Variants in CLYBL observed in about 807,000 individuals in gnomAD.
CLYBL encodes the protein citramalyl-CoA lyase, mitochondrial.
A neutral mutation model predicts 38.9 loss-of-function variants in CLYBL; 31 were observed. That is an observed-to-expected ratio of 0.80 (90% CI 0.60 to 1.08). The LOEUF (loss-of-function observed/expected upper bound fraction) is 1.08. Among genes scored for constraint, CLYBL ranks in the 50% least tolerant of loss-of-function variants. CLYBL has a pLI of 0.00. For missense variants in CLYBL, 434 were observed against 411.6 expected, an observed-to-expected ratio of 1.05 and a Z score of -0.47; for synonymous variants, 171 against 158.6, an observed-to-expected ratio of 1.08 and a Z score of -0.59.
At chr13:99,786,220 ATTATAC>A (rs909931636) in intron 2 of CLYBL, among the ~76,000 whole-genome samples, 2 of 92,284 alleles carry the variant, frequency 2.2e-5, no homozygotes, top group East Asian at 3.1e-4. Flanking sequence ...TTTTTTTTTA[ATTATAC>A]TTTAAGTTCT....
At chr13:99,625,138 C>T (rs148054658) in intron 1 of CLYBL, among the ~76,000 whole-genome samples, 124 of 152,314 alleles carry the variant, frequency 8.1e-4, no homozygotes, top group African/African-American at 2.6e-3. Context: ...GCGGAGTCCC[C>T]GACTTGGGAG....
At chr13:99,661,501 A>G (rs760703770) in intron 1 of CLYBL, among the ~76,000 whole-genome samples, 9 of 152,130 alleles carry the variant, frequency 5.9e-5, no homozygotes, top group Non-Finnish European at 1.3e-4. Flanking sequence ...TTAAACCTGT[A>G]TATTTATTTT....
intron 2 of CLYBL, among the ~76,000 whole-genome samples, chr13:99,839,215 T>C (rs540136061): frequency 2.6e-5 from 4 of 152,244 alleles, no homozygotes; most frequent in African/African-American, 4.8e-5. Context: ...CAAACCTGGG[T>C]ATGTCCAGAG....
chr13:99,888,595 CA>C (rs574508943), intron 7 of CLYBL, among the ~76,000 whole-genome samples: 1 of 151,608 alleles, frequency 6.6e-6, no homozygotes, highest in African/African-American at 2.4e-5. Flanking sequence ...ACTAAAAATA[CA>C]AAAAAAATTA....
chr13:99,669,854 A>G (rs1316699549), intron 1 of CLYBL, among the ~76,000 whole-genome samples: 1 of 152,140 alleles, frequency 6.6e-6, no homozygotes, highest in Non-Finnish European at 1.5e-5. Context: ...TTGTTTTAGC[A>G]AGGGGCCTAT....
At chr13:99,617,370 A>G (rs766596897) in intron 1 of CLYBL, among the ~76,000 whole-genome samples, 15 of 152,122 alleles carry the variant, frequency 9.9e-5, no homozygotes, top group Non-Finnish European at 1.8e-4. Context: ...GCACACATAT[A>G]CTTTGTACCA....
intron 2 of CLYBL, among the ~76,000 whole-genome samples, chr13:99,841,153 C>T (rs557016092): frequency 6.6e-6 from 1 of 152,192 alleles, no homozygotes; most frequent in Admixed American, 6.5e-5. Flanking sequence ...AATTTTTTAT[C>T]GAGAGGTGGA....
chr13:99,771,133 C>T (rs527360558), intron 1 of CLYBL, among the ~76,000 whole-genome samples: 1 of 148,592 alleles, frequency 6.7e-6, no homozygotes, highest in African/African-American at 2.5e-5. Flanking sequence ...ACCTTCTGGG[C>T]TTAATCAATC....
intron 1 of CLYBL, among the ~76,000 whole-genome samples, chr13:99,714,948 C>CTAAA (rs768043172): frequency 3.2e-4 from 49 of 151,976 alleles, no homozygotes; most frequent in Non-Finnish European, 5.3e-4. Context: ...GACTCTGTCT[C>CTAAA]TAAATAAATA....
intron 1 of CLYBL, among the ~76,000 whole-genome samples, chr13:99,630,692 C>T (rs2046931022): frequency 6.6e-6 from 1 of 152,108 alleles, no homozygotes; most frequent in South Asian, 2.1e-4. Context: ...CCCATTTGCC[C>T]TGTATTGTTG....
intron 2 of CLYBL, 120 bp downstream of exon 2, chr13:99,773,130 A>G: frequency 2.4e-6 from 2 of 823,466 alleles, no homozygotes; most frequent in Non-Finnish European, 3.9e-6. Flanking sequence ...CTGATTATTA[A>G]CAATTCTTTG....
rs963873614 is a variant in CLYBL, at chr13:99,788,143, A to G, written c.249+15133A>G. Reference sequence around the variant, plus strand: ...CTAAATATACAATCATGTCATCTGCAAACAGGGACAATTTGACTTCCTCAT... The same window carrying G: ...CTAAATATACAATCATGTCATCTGCGAACAGGGACAATTTGACTTCCTCAT... On this transcript the variant is annotated intron_variant, in intron 2 of 8. Transcript: ENST00000339105. Among the ~76,000 whole-genome samples, 49 of 152,336 alleles carry G rather than the reference A, an allele frequency of 3.2e-4. 1 individual carries two copies. Among genetic ancestry groups the G allele is most frequent in the African/African-American group, 1.1e-3 (47 of 41,578 alleles).
chr13:99,699,692 C>CAA (rs543597111), intron 1 of CLYBL, among the ~76,000 whole-genome samples: 11 of 108,558 alleles, frequency 1.0e-4, no homozygotes, highest in South Asian at 2.8e-4. Flanking sequence ...GACTCCGTCT[C>CAA]AAAAAAAAAA....
chr13:99,863,245 C>T (rs779157647), intron 4 of CLYBL, among the ~76,000 whole-genome samples, 153 bp downstream of exon 4: 1 of 152,100 alleles, frequency 6.6e-6, no homozygotes, highest in Non-Finnish European at 1.5e-5. Context: ...CTGTAATAGT[C>T]CAAAAACCAG....
chr13:99,749,322 A>G (rs535750672), intron 1 of CLYBL, among the ~76,000 whole-genome samples: 1 of 152,334 alleles, frequency 6.6e-6, no homozygotes, highest in South Asian at 2.1e-4. Flanking sequence ...ACTAAACCGG[A>G]CAAGAATAAG....
At chr13:99,617,962 ACTACC>A (rs2046737878) in intron 1 of CLYBL, among the ~76,000 whole-genome samples, 1 of 152,162 alleles carries the variant, frequency 6.6e-6, no homozygotes, top group African/African-American at 2.4e-5. Flanking sequence ...CAGCCTCTGC[ACTACC>A]CTGTCCCCTT....
intron 2 of CLYBL, among the ~76,000 whole-genome samples, chr13:99,850,452 T>C (rs965835535): frequency 1.6e-4 from 24 of 152,120 alleles, no homozygotes; most frequent in Non-Finnish European, 3.2e-4. Flanking sequence ...ACAAAACCCA[T>C]TGAGCATGCA....
intron 2 of CLYBL, among the ~76,000 whole-genome samples, chr13:99,809,876 A>G (rs1000794763): frequency 1.3e-5 from 2 of 152,200 alleles, no homozygotes; most frequent in Admixed American, 1.3e-4. Context: ...GGAGAGAAAC[A>G]TGAAGCTGGA....
At chr13:99,612,828 A>G (rs2046648640) in intron 1 of CLYBL, among the ~76,000 whole-genome samples, 1 of 151,808 alleles carries the variant, frequency 6.6e-6, no homozygotes, top group African/African-American at 2.4e-5. Context: ...ATTGGGTAAC[A>G]TAGTGAGATG....
Sources: gnomAD v4.1 joint callset for allele counts (sites outside exome capture counted in the v4.1 genomes callset) on GRCh38, gnomAD v4.1.1 for gene constraint, MANE v1.5 for transcripts, NCBI Gene and HGNC (gene_info 2026-07-23, HGNC 2026-07-21) for gene names.